The following CUL9 variants were observed in gnomAD, a reference collection of about 807,000 sequenced individuals.
CUL9 encodes the protein cullin-9.
Under a neutral mutation model 272.6 loss-of-function variants are expected in CUL9, and 79 were observed. The observed-to-expected ratio is 0.29, with a 90% CI of 0.24 to 0.35. The LOEUF (loss-of-function observed/expected upper bound fraction) is 0.35, where lower values mean the gene tolerates loss of function less well. Ranked by LOEUF, CUL9 falls within the 10% of genes least tolerant of loss-of-function variation. CUL9 has a pLI of 1.00. For synonymous variants in CUL9, 1,186 were observed against 1,286.5 expected, an observed-to-expected ratio of 0.92 and a Z score of 1.67; for missense variants, 2,532 against 3,255.6, an observed-to-expected ratio of 0.78 and a Z score of 5.41.
Position 43,224,183 on chromosome 6 carries a change from C to A in CUL9, c.7358+15C>A. ...CCTGGCAGTCAGTAAGTGGGGTGGGCAGAGCCATGGAGGAGGCAGTGGGAC... is the reference window on the plus strand; with the variant it reads ...CCTGGCAGTCAGTAAGTGGGGTGGGAAGAGCCATGGAGGAGGCAGTGGGAC... On this transcript the variant is annotated intron_variant, in intron 40 of 40. Coordinates refer to ENST00000252050, the MANE Select transcript of CUL9 (RefSeq NM_015089.4). This position sits in a 1 kb window ranked among gnomAD's most constrained non-coding sequence, Gnocchi z 4.2. The A allele has an allele frequency of 6.2e-7, 1 of 1,614,196 alleles. No homozygotes were observed. The highest frequency in any genetic ancestry group is 8.5e-7 in the Non-Finnish European group (1 of 1,180,012).
intron 31 of CUL9, among the ~76,000 whole-genome samples, chr6:43,219,937 C>G (rs1410894974): frequency 6.6e-6 from 1 of 152,004 alleles, no homozygotes; most frequent in African/African-American, 2.4e-5. Flanking sequence ...GCAAGTTGAT[C>G]AGGGTTTGGG....
chr6:43,221,135 C>T lies in CUL9; in HGVS notation c.6589-23C>T, dbSNP rs1776331589. 1.2e-6 allele frequency: 2 copies of T among 1,607,888 alleles called. No homozygotes were observed. The highest frequency in any genetic ancestry group is 1.7e-6 in the Non-Finnish European group (2 of 1,178,688). Reference sequence around the variant, plus strand: ...GCTGCCCTCACGGCTCAGCTGTGTCCCCACCATGCCCTCTTGCCTTAGGCA... The same window carrying T: ...GCTGCCCTCACGGCTCAGCTGTGTCTCCACCATGCCCTCTTGCCTTAGGCA... On this transcript the variant is annotated intron_variant, in intron 33 of 40. Transcript: ENST00000252050. This position sits in a 1 kb window ranked among gnomAD's most constrained non-coding sequence, Gnocchi z 4.2.
Position 43,220,409 on chromosome 6 carries a change from GTGC to G in CUL9, c.6283-45_6283-43del, listed in dbSNP as rs1393237516. ...GCTTAGTTACCAGGACACTCCCCCT[GTGC>G]TGCTCCCACACTGTCTGTGAGCAGC... On this transcript the variant is annotated intron_variant, in intron 31 of 40. Transcript: ENST00000252050. The surrounding 1 kb of genome is among the most constrained non-coding windows in gnomAD (Gnocchi z 4.9). 1 of 1,606,842 alleles carries G rather than the reference GTGC, an allele frequency of 6.2e-7. No homozygotes were observed. The highest frequency in any genetic ancestry group is 8.5e-7 in the Non-Finnish European group (1 of 1,175,270).
intron 31 of CUL9, among the ~76,000 whole-genome samples, chr6:43,217,761 T>C (rs902984456): frequency 6.6e-6 from 1 of 152,222 alleles, no homozygotes; most frequent in Non-Finnish European, 1.5e-5. Context: ...TACACTTTCA[T>C]TTTTTCATTC....
chr6:43,184,918 C>A lies in CUL9; in HGVS notation c.595+13C>A. 1 of 1,568,424 alleles carries A rather than the reference C, an allele frequency of 6.4e-7. No individual in the cohort carries two copies. Among genetic ancestry groups the A allele is most frequent in the South Asian group, 1.1e-5 (1 of 89,530 alleles). On this transcript the variant is annotated intron_variant, in intron 2 of 40. Transcript: ENST00000252050. This position sits in a 1 kb window ranked among gnomAD's most constrained non-coding sequence, Gnocchi z 4.8. Reference sequence around the variant, plus strand: ...GCCCACGATGCTGGTAAGAGACAGCCAGGGAAGAAGGAAAGGAATGGAGAA... The same window carrying A: ...GCCCACGATGCTGGTAAGAGACAGCAAGGGAAGAAGGAAAGGAATGGAGAA...
At chr6:43,204,572 C>G in intron 21 of CUL9, 33 bp downstream of exon 21, 1 of 1,612,722 alleles carries the variant, frequency 6.2e-7, no homozygotes, top group Non-Finnish European at 8.5e-7. Flanking sequence ...GGAGCTGACT[C>G]TGCGGACAGT....
chr6:43,192,385 C>A (rs1320338811), intron 8 of CUL9, among the ~76,000 whole-genome samples: 1 of 151,824 alleles, frequency 6.6e-6, no homozygotes, highest in African/African-American at 2.4e-5. Flanking sequence ...AGGCTTGGAT[C>A]TGCCTGTTGT....
At chr6:43,194,692 C>T (rs1773844206) in intron 9 of CUL9, among the ~76,000 whole-genome samples, 2 of 152,028 alleles carry the variant, frequency 1.3e-5, no homozygotes, top group African/African-American at 4.8e-5. Context: ...TCAAAGAATT[C>T]CCTGATCCTC....
In CUL9 at chr6:43,203,752, T is replaced by G; in HGVS notation, c.4026-102T>G. On this transcript the variant is annotated intron_variant, in intron 19 of 40. Coordinates refer to ENST00000252050, the MANE Select transcript of CUL9 (RefSeq NM_015089.4). This position sits in a 1 kb window ranked among gnomAD's most constrained non-coding sequence, Gnocchi z 5.0. ...TTTGTGTTAATTGGGAAAAGTTGGG[T>G]CAGGGACCGAACAGGGGTGATTGGG... The G allele has an allele frequency of 1.3e-6, 2 of 1,524,568 alleles. No individual in the cohort carries two copies. Among genetic ancestry groups the G allele is most frequent in the South Asian group, 1.3e-5 (1 of 77,892 alleles). 94.4% of individuals were successfully genotyped at this position (1,524,568 alleles called of 1,614,324 possible).
At chr6:43,192,962 C>T (rs1486899644) in intron 8 of CUL9, 39 bp from the exon 9 acceptor site, 4 of 1,597,362 alleles carry the variant, frequency 2.5e-6, no homozygotes, top group Non-Finnish European at 3.4e-6. Flanking sequence ...AGGCAAGACT[C>T]CTTGGGATGG....
intron 12 of CUL9, 51 bp downstream of exon 12, chr6:43,198,906 C>T (rs902180840): frequency 5.8e-6 from 9 of 1,558,918 alleles, no homozygotes; most frequent in Non-Finnish European, 7.8e-6. Flanking sequence ...AACTGGCAGA[C>T]TTCAGGGACT....
In CUL9 at chr6:43,221,232, G is replaced by A. The variant is rs1776338300; in HGVS notation, c.6663G>A (p.Val2221=). ...DDGGYYDGMS[V]EAQSKHLAKL... is the part of the protein sequence containing the mutation. ...GTGGCTACTATGACGGCATGAGCGT[G>A]GAGGCGCAGAGCAAGCACCTGGCCA... The change falls in exon 34 of 41, where the codon GTG becomes GTA. Residue 2221 remains valine, a synonymous_variant. Coordinates refer to ENST00000252050, the MANE Select transcript of CUL9 (RefSeq NM_015089.4). The surrounding 1 kb of genome is among the most constrained non-coding windows in gnomAD (Gnocchi z 4.2). 6.2e-7 allele frequency: 1 copy of A among 1,611,792 alleles called. No homozygotes were observed. The highest frequency in any genetic ancestry group is 8.5e-7 in the Non-Finnish European group (1 of 1,179,998).
At position 43,193,027 on chromosome 6, in the gene CUL9, A is replaced by G; in HGVS notation, c.2207A>G (p.Glu736Gly). The change falls in exon 9 of 41, where the codon GAG becomes GGG. Residue 736 changes from glutamate to glycine, a missense_variant. Glu to Gly is a moderately conservative substitution (Grantham distance 98). This residue lies in a region of CUL9 where 2,218 missense variants were observed against 2,788.6 expected (regional missense o/e 0.80). Coordinates refer to ENST00000252050, the MANE Select transcript of CUL9 (RefSeq NM_015089.4). Reference protein sequence around the residue: ...LREKLVKMLVELLTNQVGEKM... With the variant: ...LREKLVKMLVGLLTNQVGEKM... ...GAGAAGCTAGTGAAGATGCTGGTGG[A>G]GCTGCTGACCAACCAGGTGGGAGAG... 1.2e-6 allele frequency: 2 copies of G among 1,614,124 alleles called. No individual in the cohort carries two copies. The highest frequency in any genetic ancestry group is 1.7e-6 in the Non-Finnish European group (2 of 1,179,988).
intron 8 of CUL9, among the ~76,000 whole-genome samples, chr6:43,189,689 G>A (rs867317696): frequency 4.6e-5 from 7 of 151,990 alleles, no homozygotes; most frequent in Admixed American, 1.3e-4. Context: ...GATTACAGGT[G>A]CCCACCACCA....
chr6:43,195,939 A>C, intron 9 of CUL9, 130 bp from the exon 10 acceptor site: 1 of 653,160 alleles, frequency 1.5e-6, no homozygotes, highest in Non-Finnish European at 2.7e-6. Flanking sequence ...TACCTCTTCC[A>C]TTTCTGTCTC....
chr6:43,184,960 A>G lies in CUL9; in HGVS notation c.595+55A>G. ...AATGGAGAAAATGGGGCCACAGGGA[A>G]TAAGAAAGAGGAGAGATTTCCTAGC... On this transcript the variant is annotated intron_variant, in intron 2 of 40. Transcript: ENST00000252050. This position sits in a 1 kb window ranked among gnomAD's most constrained non-coding sequence, Gnocchi z 4.8. 7.4e-7 allele frequency: 1 copy of G among 1,344,742 alleles called. No individual in the cohort carries two copies. The highest frequency in any genetic ancestry group is 1.3e-5 in the South Asian group (1 of 74,758). The allele number at this position is 1,344,742 out of a possible 1,614,324, so 83.3% of individuals were successfully genotyped here. A position where few individuals can be genotyped will look rare whatever the true frequency, so the allele number is the denominator to read the frequency against.
In CUL9 at chr6:43,212,172, AT is replaced by A. The variant is rs1348074905; in HGVS notation, c.5213-974del. Among the ~76,000 whole-genome samples, 3 of 152,240 alleles carry A rather than the reference AT, an allele frequency of 2.0e-5. No homozygotes were observed. The East Asian group carries it at 5.8e-4, about 29-fold the overall frequency. The stretch of plus-strand genomic sequence containing the variant: ...AGAGGCTTATTCAGATTTGGGTTTG[AT>A]TTCTCAGGCAAGAACACTTCATTGG... On this transcript the variant is annotated intron_variant, in intron 26 of 40. Transcript: ENST00000252050.
chr6:43,185,972 T>C lies in CUL9; in HGVS notation c.768T>C (p.Leu256=). 6.2e-7 allele frequency: 1 copy of C among 1,608,094 alleles called. No homozygotes were observed. Among genetic ancestry groups the C allele is most frequent in the Non-Finnish European group, 8.5e-7 (1 of 1,176,114 alleles). Residue 256 remains leucine, a synonymous_variant, in exon 4 of 41, where the codon CTT becomes CTC. Coordinates refer to ENST00000252050, the MANE Select transcript of CUL9 (RefSeq NM_015089.4). ...TCTTACAGATCCCAGGAAAGCTGCTTTTCTCCTTGGTGAAGCGCTACCTTT... is the reference window on the plus strand; with the variant it reads ...TCTTACAGATCCCAGGAAAGCTGCTCTTCTCCTTGGTGAAGCGCTACCTTT... ...IHLPQIPGKL[L]FSLVKRYLCV...
At chr6:43,208,692 G>A (rs1775227473) in intron 26 of CUL9, among the ~76,000 whole-genome samples, 1 of 152,062 alleles carries the variant, frequency 6.6e-6, no homozygotes, top group Non-Finnish European at 1.5e-5. Context: ...TTTGGTTACT[G>A]GCTTTCCAGT....
Sources: gnomAD v4.1 joint callset for allele counts (sites outside exome capture counted in the v4.1 genomes callset) on GRCh38, gnomAD v4.1.1 for gene constraint, gnomAD v4.1.1 regional missense constraint, Gnocchi (gnomAD v3.1) non-coding constraint, MANE v1.5 for transcripts, NCBI Gene and HGNC (gene_info 2026-07-23, HGNC 2026-07-21) for gene names.